Variants in TASP1 observed in about 807,000 individuals in gnomAD.
The protein encoded by TASP1 is taspase 1.
Under a neutral mutation model 56.6 loss-of-function variants are expected in TASP1, and 16 were observed. That is an observed-to-expected ratio of 0.28 (90% CI 0.19 to 0.43). TASP1 has a LOEUF of 0.43. TASP1 is among the 20% of genes least tolerant of loss of function. The pLI is 1.00. For missense variants in TASP1, 393 were observed against 511.6 expected, an observed-to-expected ratio of 0.77 and a Z score of 2.24; for synonymous variants, 179 against 184.2, an observed-to-expected ratio of 0.97 and a Z score of 0.23.
chr20:13,311,415 C>A, the TASP1 span, among the ~76,000 whole-genome samples: 2 of 152,168 alleles, frequency 1.3e-5, no homozygotes, highest in Middle Eastern at 3.2e-3. Flanking sequence ...ACCATGTAAT[C>A]TAGCAATCCC....
chr20:13,149,572 C>T, the TASP1 span, among the ~76,000 whole-genome samples: 1 of 152,208 alleles, frequency 6.6e-6, no homozygotes, highest in Non-Finnish European at 1.5e-5. Context: ...ACCTCAAAGG[C>T]ATTTGTAGTA....
chr20:13,406,616 T>TTAATCACA (rs1457171071), intron 13 of TASP1, among the ~76,000 whole-genome samples: 1 of 152,046 alleles, frequency 6.6e-6, no homozygotes, highest in Non-Finnish European at 1.5e-5. Context: ...GATGACGCCC[T>TTAATCACA]TAATCACATT....
the TASP1 span, among the ~76,000 whole-genome samples, chr20:13,384,243 C>T: frequency 2.0e-5 from 3 of 152,156 alleles, no homozygotes; most frequent in Non-Finnish European, 4.4e-5. Flanking sequence ...CATGGCAATT[C>T]AAGGCAAAGA....
chr20:13,361,092 A>C, the TASP1 span, among the ~76,000 whole-genome samples: 1 of 150,168 alleles, frequency 6.7e-6, no homozygotes, highest in Non-Finnish European at 1.5e-5. Flanking sequence ...CTATTCTACT[A>C]CTCCTCAGGG....
chr20:13,584,645 G>T (rs566915188), intron 5 of TASP1, among the ~76,000 whole-genome samples: 1 of 152,124 alleles, frequency 6.6e-6, no homozygotes, highest in South Asian at 2.1e-4. Flanking sequence ...TGAAGTTCAC[G>T]TGGAAATTTA....
chr20:13,126,977 A>G, the TASP1 span, among the ~76,000 whole-genome samples: 2 of 152,240 alleles, frequency 1.3e-5, no homozygotes, highest in African/African-American at 4.8e-5. Context: ...AATTAAGCAA[A>G]TATTGTTTGT....
At chr20:13,155,622 C>T in the TASP1 span, among the ~76,000 whole-genome samples, 4 of 151,990 alleles carry the variant, frequency 2.6e-5, no homozygotes, top group African/African-American at 7.3e-5. Context: ...GTCAGGAGAT[C>T]GAAACCATCC....
intron 12 of TASP1, among the ~76,000 whole-genome samples, chr20:13,421,121 T>C (rs2042418933): frequency 6.6e-6 from 1 of 150,720 alleles, no homozygotes; most frequent in Non-Finnish European, 1.5e-5. Context: ...TTTTTTTTTT[T>C]TTTTTTTTTA....
chr20:13,578,787 C>T (rs1159065133), intron 6 of TASP1, among the ~76,000 whole-genome samples: 1 of 152,202 alleles, frequency 6.6e-6, no homozygotes, highest in Non-Finnish European at 1.5e-5. Flanking sequence ...AGCTTCTAGA[C>T]TTGCAGTTCT....
chr20:13,161,600 T>C, the TASP1 span, among the ~76,000 whole-genome samples: 1 of 151,964 alleles, frequency 6.6e-6, no homozygotes, highest in Non-Finnish European at 1.5e-5. Flanking sequence ...TTAAACTCCA[T>C]ACAGAGGAGA....
chr20:13,591,945 T>C (rs1035009439), intron 4 of TASP1, among the ~76,000 whole-genome samples: 3 of 151,648 alleles, frequency 2.0e-5, no homozygotes, highest in Non-Finnish European at 4.4e-5. Context: ...ACTAAAAAAA[T>C]AAAAGAAGTA....
the TASP1 span, among the ~76,000 whole-genome samples, chr20:13,309,810 C>CA: frequency 6.6e-5 from 10 of 151,112 alleles, no homozygotes; most frequent in Admixed American, 3.3e-4. Flanking sequence ...AAAAACTATC[C>CA]AAAAAAGAAA....
At chr20:13,280,402 C>CA in the TASP1 span, among the ~76,000 whole-genome samples, 3 of 138,760 alleles carry the variant, frequency 2.2e-5, no homozygotes, top group African/African-American at 8.0e-5. Flanking sequence ...CCCCCCCCCC[C>CA]CAATACATTT....
the TASP1 span, among the ~76,000 whole-genome samples, chr20:13,112,279 G>T: frequency 6.6e-6 from 1 of 152,150 alleles, no homozygotes; most frequent in Non-Finnish European, 1.5e-5. Flanking sequence ...TCTGGCCCTC[G>T]GTACTGGCTC....
At chr20:13,377,767 T>C in the TASP1 span, among the ~76,000 whole-genome samples, 1 of 152,198 alleles carries the variant, frequency 6.6e-6, no homozygotes, top group African/African-American at 2.4e-5. Flanking sequence ...TATTGGCCTA[T>C]TCAGGGATTT....
At chr20:13,454,501 G>C (rs1377876778) in intron 11 of TASP1, among the ~76,000 whole-genome samples, 1 of 152,118 alleles carries the variant, frequency 6.6e-6, no homozygotes, top group Non-Finnish European at 1.5e-5. Context: ...TAGAGTAGAA[G>C]TGGGACAAGA....
chr20:13,501,516 A>G (rs530582113), intron 10 of TASP1, among the ~76,000 whole-genome samples: 58 of 152,120 alleles, frequency 3.8e-4, no homozygotes, highest in Non-Finnish European at 6.3e-4. Context: ...GACCATGGTA[A>G]ATTAATGATG....
At chr20:13,526,549 C>A (rs1251970323) in intron 10 of TASP1, among the ~76,000 whole-genome samples, 1 of 152,142 alleles carries the variant, frequency 6.6e-6, no homozygotes, top group Non-Finnish European at 1.5e-5. Flanking sequence ...ACATTATGCT[C>A]ATTTCTTCAA....
In TASP1 at chr20:13,463,647, A is replaced by G. The variant is rs539230922; in HGVS notation, c.985+19580T>C. On this transcript the variant is annotated intron_variant, in intron 11 of 13. Coordinates refer to ENST00000337743, the MANE Select transcript of TASP1 (RefSeq NM_017714.3). ...TATCCAGAATATACAAAGAACTTTT[A>G]CAACTCAATAACAAATCAAAGAACT... Among the ~76,000 whole-genome samples, 5 of 152,290 alleles carry G rather than the reference A, an allele frequency of 3.3e-5. No individual in the cohort carries two copies. In the South Asian group the frequency reaches 1.0e-3, roughly 32 times the overall value.
Sources: allele counts gnomAD v4.1 joint callset (sites outside exome capture counted in the v4.1 genomes callset), GRCh38; gene constraint gnomAD v4.1.1; transcripts MANE v1.5; gene names NCBI Gene and HGNC (gene_info 2026-07-23, HGNC 2026-07-21).